CDKAL1: variants seen among roughly 807,000 people sequenced by gnomAD.
CDKAL1 encodes threonylcarbamoyladenosine tRNA methylthiotransferase.
CDKAL1 carries 32 observed loss-of-function variants against 68.2 expected under a neutral mutation model. The observed-to-expected ratio is 0.47, with a 90% confidence interval of 0.35 to 0.63. The LOEUF is 0.63. Ranked by LOEUF, CDKAL1 falls within the 30% of genes least tolerant of loss-of-function variation. CDKAL1 has a pLI of 0.00. For missense variants in CDKAL1, 606 were observed against 696.7 expected (o/e 0.87, Z 1.47); for synonymous variants, 234 against 244.3 (o/e 0.96, Z 0.39).
intron 9 of CDKAL1, among the ~76,000 whole-genome samples, chr6:20,849,107 T>C (rs1399230932): frequency 6.6e-6 from 1 of 151,936 alleles, no homozygotes; most frequent in Non-Finnish European, 1.5e-5. Flanking sequence ...AGTCCTCAAG[T>C]ACTTGGTGCT....
chr6:20,549,956 A>G (rs969386640), intron 4 of CDKAL1, among the ~76,000 whole-genome samples: 1 of 149,564 alleles, frequency 6.7e-6, no homozygotes, highest in South Asian at 2.1e-4. Context: ...AGAGCTGTCC[A>G]TTCTTCTCCA....
intron 8 of CDKAL1, among the ~76,000 whole-genome samples, chr6:20,827,031 C>T (rs1200674074): frequency 1.3e-5 from 2 of 151,968 alleles, no homozygotes; most frequent in Admixed American, 1.3e-4. Context: ...CAAACAAAAC[C>T]AACAATACTA....
chr6:20,652,555 C>G (rs961769228), intron 5 of CDKAL1, among the ~76,000 whole-genome samples: 1 of 152,154 alleles, frequency 6.6e-6, no homozygotes, highest in Non-Finnish European at 1.5e-5. Context: ...CTCTCCAACT[C>G]CCCTGGAACC....
intron 11 of CDKAL1, among the ~76,000 whole-genome samples, chr6:21,056,133 CT>C: frequency 6.6e-6 from 1 of 152,088 alleles, no homozygotes; most frequent in East Asian, 1.9e-4. Flanking sequence ...TGATGTTGAG[CT>C]TTTTTTCATG....
intron 4 of CDKAL1, among the ~76,000 whole-genome samples, chr6:20,612,212 T>C (rs1439731988): frequency 6.6e-6 from 1 of 152,236 alleles, no homozygotes; most frequent in African/African-American, 2.4e-5. Context: ...GCAGTGAACA[T>C]GGAAGTGCAG....
intron 9 of CDKAL1, among the ~76,000 whole-genome samples, chr6:20,937,329 C>T (rs2150688427): frequency 6.6e-6 from 1 of 152,350 alleles, no homozygotes; most frequent in African/African-American, 2.4e-5. Context: ...ATCAAGTGAT[C>T]ATCCCTCCTT....
chr6:21,133,805 AC>A (rs1465326265), intron 13 of CDKAL1, among the ~76,000 whole-genome samples: 1 of 152,200 alleles, frequency 6.6e-6, no homozygotes, highest in Admixed American at 6.5e-5. Context: ...TCCCACTAGT[AC>A]ATTTGTTTAT....
chr6:21,134,525 T>C (rs2151024837), intron 13 of CDKAL1, among the ~76,000 whole-genome samples: 1 of 152,372 alleles, frequency 6.6e-6, no homozygotes, highest in East Asian at 1.9e-4. Context: ...TGTGTTTTAA[T>C]GAATTATACT....
chr6:20,755,161 A>G (rs1160829576), intron 6 of CDKAL1, among the ~76,000 whole-genome samples: 44 of 152,120 alleles, frequency 2.9e-4, no homozygotes. Context: ...TATCTTGGTC[A>G]TTCACCCACA....
chr6:21,150,258 A>T (rs1776352866), intron 13 of CDKAL1, among the ~76,000 whole-genome samples: 2 of 152,310 alleles, frequency 1.3e-5, no homozygotes, highest in South Asian at 4.1e-4. Context: ...GGGGCAAGAA[A>T]AGAATGGATG....
intron 13 of CDKAL1, among the ~76,000 whole-genome samples, chr6:21,183,574 C>T (rs182886473): frequency 7.8e-4 from 118 of 152,240 alleles, no homozygotes; most frequent in African/African-American, 2.6e-3. Context: ...TGAATAAAGA[C>T]GTCCAGTAGT....
intron 9 of CDKAL1, among the ~76,000 whole-genome samples, chr6:20,858,545 A>G (rs1759453969): frequency 6.6e-6 from 1 of 152,178 alleles, no homozygotes; most frequent in Admixed American, 6.5e-5. Flanking sequence ...ATATATAGTA[A>G]TATATAAATT....
intron 12 of CDKAL1, among the ~76,000 whole-genome samples, chr6:21,090,048 A>G (rs1372169311): frequency 2.0e-5 from 3 of 152,222 alleles, no homozygotes; most frequent in Non-Finnish European, 4.4e-5. Context: ...GAGAGACATC[A>G]TCTAGTCATT....
intron 5 of CDKAL1, among the ~76,000 whole-genome samples, chr6:20,707,989 GTATAT>G (rs10536170): frequency 0.19 from 28,524 of 151,974 alleles, 2,800 homozygotes; most frequent in East Asian, 0.37. Flanking sequence ...TTAATATGTA[GTATAT>G]TATAAGAGTA....
intron 4 of CDKAL1, among the ~76,000 whole-genome samples, chr6:20,553,733 C>T (rs879917840): frequency 3.3e-5 from 5 of 152,188 alleles, no homozygotes; most frequent in Non-Finnish European, 7.3e-5. Context: ...GCCTCGGCCT[C>T]CGGAGTAGCT....
intron 7 of CDKAL1, among the ~76,000 whole-genome samples, chr6:20,766,973 G>T (rs1774730457): frequency 6.6e-6 from 1 of 152,042 alleles, no homozygotes; most frequent in African/African-American, 2.4e-5. Flanking sequence ...CTTAATGTAT[G>T]TATTTTAAGA....
intron 4 of CDKAL1, among the ~76,000 whole-genome samples, chr6:20,612,203 C>T (rs1428755049): frequency 1.3e-5 from 2 of 152,178 alleles, no homozygotes; most frequent in Non-Finnish European, 2.9e-5. Flanking sequence ...AGTAGTGCTG[C>T]AGTGAACATG....
At chr6:21,164,024 A>G (rs1477931814) in intron 13 of CDKAL1, among the ~76,000 whole-genome samples, 1 of 151,982 alleles carries the variant, frequency 6.6e-6, no homozygotes, top group African/African-American at 2.4e-5. Flanking sequence ...TGTCCCTAGC[A>G]TTGCCCCTCT....
chr6:20,669,877 A>T (rs1488500339), intron 5 of CDKAL1, among the ~76,000 whole-genome samples: 1 of 152,132 alleles, frequency 6.6e-6, no homozygotes. Flanking sequence ...CATTGCTTCC[A>T]GGCACTCTTA....
Sources: gnomAD v4.1 joint callset for allele counts (sites outside exome capture counted in the v4.1 genomes callset) on GRCh38, gnomAD v4.1.1 for gene constraint, MANE v1.5 for transcripts, NCBI Gene and HGNC (gene_info 2026-07-23, HGNC 2026-07-21) for gene names.